PTGER3: variants seen among roughly 807,000 people sequenced by gnomAD.
The protein encoded by PTGER3 is prostaglandin E2 receptor EP3 subtype.
Under a neutral mutation model 34.7 loss-of-function variants are expected in PTGER3, and 22 were observed. That is an observed-to-expected ratio of 0.63 (90% CI 0.45 to 0.91). The LOEUF is 0.91. PTGER3 is among the 40% of genes least tolerant of loss of function. The pLI, the probability that PTGER3 is intolerant of heterozygous loss-of-function variation, is 0.00. For missense variants in PTGER3, 468 were observed against 519.4 expected (o/e 0.90, Z 0.96); for synonymous variants, 241 against 230.1 (o/e 1.05, Z -0.43).
chr1:71,003,883 G>A (rs746984939), intron 2 of PTGER3, among the ~76,000 whole-genome samples: 1 of 152,156 alleles, frequency 6.6e-6, no homozygotes, highest in Non-Finnish European at 1.5e-5. Flanking sequence ...TGCCGAAGAG[G>A]TCTATAGATA....
At chr1:70,901,264 G>T (rs1383270542) in intron 4 of PTGER3, among the ~76,000 whole-genome samples, 1 of 152,170 alleles carries the variant, frequency 6.6e-6, no homozygotes, top group Non-Finnish European at 1.5e-5. Flanking sequence ...TAAATTCGCA[G>T]AGTGGGACTA....
intron 4 of PTGER3, among the ~76,000 whole-genome samples, chr1:70,886,881 G>A (rs984911352): frequency 6.6e-6 from 1 of 152,152 alleles, no homozygotes; most frequent in Non-Finnish European, 1.5e-5. Flanking sequence ...CTTGGATCAA[G>A]GTTTGTTTGA....
At chr1:70,943,105 G>A (rs1049484195) in intron 4 of PTGER3, among the ~76,000 whole-genome samples, 3 of 152,126 alleles carry the variant, frequency 2.0e-5, no homozygotes, top group African/African-American at 7.2e-5. Context: ...TTTTCAATCA[G>A]TGATTTACTT....
At chr1:71,026,136 A>G (rs1015798487) in intron 1 of PTGER3, among the ~76,000 whole-genome samples, 3 of 152,126 alleles carry the variant, frequency 2.0e-5, no homozygotes, top group African/African-American at 7.2e-5. Flanking sequence ...TCCTAACATT[A>G]TATTCATTCA....
intron 4 of PTGER3, among the ~76,000 whole-genome samples, chr1:70,865,416 G>A (rs758878566): frequency 3.2e-4 from 49 of 152,136 alleles, no homozygotes; most frequent in Non-Finnish European, 5.4e-4. Context: ...ACAGGCAAGA[G>A]ATTATGAGGG....
chr1:71,028,313 A>G (rs187627149), intron 1 of PTGER3, among the ~76,000 whole-genome samples: 1 of 152,306 alleles, frequency 6.6e-6, no homozygotes, highest in East Asian at 1.9e-4. Flanking sequence ...TACTACAGCT[A>G]CCACTTGCGG....
chr1:71,032,678 C>G (rs564915426), intron 1 of PTGER3, among the ~76,000 whole-genome samples: 1 of 152,312 alleles, frequency 6.6e-6, no homozygotes, highest in South Asian at 2.1e-4. Context: ...TATAAGGCCA[C>G]CTCCACTCTT....
chr1:70,854,595 C>T (rs1042881194), intron 4 of PTGER3, among the ~76,000 whole-genome samples: 5 of 152,154 alleles, frequency 3.3e-5, no homozygotes, highest in African/African-American at 1.2e-4. Context: ...GTGTGGCACA[C>T]TTCCCCCTTC....
intron 4 of PTGER3, among the ~76,000 whole-genome samples, chr1:70,879,284 TCACC>T (rs1244514799): frequency 6.6e-6 from 1 of 152,180 alleles, no homozygotes; most frequent in Non-Finnish European, 1.5e-5. Flanking sequence ...TCTCACTCTG[TCACC>T]CAGGCTGGAG....
intron 4 of PTGER3, among the ~76,000 whole-genome samples, chr1:70,893,934 A>G (rs183957921): frequency 1.3e-5 from 2 of 152,224 alleles, no homozygotes; most frequent in Non-Finnish European, 2.9e-5. Context: ...TAATCTACAC[A>G]TAACAGCCTT....
At chr1:70,932,895 A>G (rs980440391) in intron 4 of PTGER3, among the ~76,000 whole-genome samples, 2 of 152,200 alleles carry the variant, frequency 1.3e-5, no homozygotes, top group Admixed American at 1.3e-4. Context: ...TTCTGTACAC[A>G]TATACACATA....
chr1:71,043,883 C>A (rs1245296147), intron 1 of PTGER3, among the ~76,000 whole-genome samples: 1 of 150,260 alleles, frequency 6.7e-6, no homozygotes, highest in Non-Finnish European at 1.5e-5. Flanking sequence ...GTGGCGTGAT[C>A]TCGGCTCACA....
intron 4 of PTGER3, among the ~76,000 whole-genome samples, chr1:70,875,976 A>G (rs1646264083): frequency 6.6e-6 from 1 of 152,138 alleles, no homozygotes; most frequent in Non-Finnish European, 1.5e-5. Context: ...TGCTGGGTTG[A>G]TTGATAATTC....
At chr1:70,930,632 A>G (rs758947409) in intron 4 of PTGER3, among the ~76,000 whole-genome samples, 2 of 152,148 alleles carry the variant, frequency 1.3e-5, no homozygotes, top group African/African-American at 2.4e-5. Context: ...CACTTCTTAC[A>G]TGGCAGTGGC....
intron 2 of PTGER3, among the ~76,000 whole-genome samples, chr1:70,985,560 A>G (rs1033459323): frequency 2.0e-5 from 3 of 152,108 alleles, no homozygotes; most frequent in Non-Finnish European, 4.4e-5. Flanking sequence ...ATCCAGGCAC[A>G]AGTGTTTCTT....
intron 4 of PTGER3, among the ~76,000 whole-genome samples, chr1:70,919,065 G>A (rs1647293907): frequency 6.6e-6 from 1 of 152,102 alleles, no homozygotes; most frequent in Non-Finnish European, 1.5e-5. Context: ...TATTTGAAAT[G>A]ACACTACATT....
intron 4 of PTGER3, among the ~76,000 whole-genome samples, chr1:70,930,061 G>T (rs1169535979): frequency 1.3e-5 from 2 of 152,120 alleles, no homozygotes; most frequent in African/African-American, 4.8e-5. Flanking sequence ...CATATCAAAA[G>T]GTGAAGCTTA....
intron 4 of PTGER3, among the ~76,000 whole-genome samples, chr1:70,878,092 G>T (rs140128408): frequency 6.6e-6 from 1 of 152,044 alleles, no homozygotes. Flanking sequence ...CTGTGAATCC[G>T]TCTGGTTCTG....
chr1:70,970,441 A>G (rs1290904675), downstream of PTGER3, among the ~76,000 whole-genome samples: 2 of 152,180 alleles, frequency 1.3e-5, no homozygotes, highest in African/African-American at 4.8e-5. Flanking sequence ...AAATAGTTAT[A>G]GTTTATAGCT....
Sources: gnomAD v4.1 joint callset for allele counts (sites outside exome capture counted in the v4.1 genomes callset) on GRCh38, gnomAD v4.1.1 for gene constraint, MANE v1.5 for transcripts, NCBI Gene and HGNC (gene_info 2026-07-23, HGNC 2026-07-21) for gene names.